SHLD2: variants seen among roughly 807,000 people sequenced by gnomAD.
SHLD2 encodes the protein shieldin complex subunit 2.
Under a neutral mutation model 73.2 loss-of-function variants are expected in SHLD2, and 30 were observed. The ratio of observed to expected loss-of-function variants is 0.41; its 90% CI spans 0.31 to 0.56. SHLD2 has a LOEUF of 0.56. Ranked by LOEUF, SHLD2 falls within the 20% of genes least tolerant of loss-of-function variation. The pLI, the probability that SHLD2 is intolerant of heterozygous loss-of-function variation, is 0.28. For missense variants in SHLD2, 745 were observed against 1,055.9 expected, an observed-to-expected ratio of 0.71 and a Z score of 4.08; for synonymous variants, 285 against 370.1, an observed-to-expected ratio of 0.77 and a Z score of 2.64.
chr10:87,180,187 C>G lies in SHLD2; in HGVS notation c.2283C>G (p.Pro761=). The G allele has an allele frequency of 6.2e-7, 1 of 1,613,360 alleles. No homozygotes were observed. Among genetic ancestry groups the G allele is most frequent in the Non-Finnish European group, 8.5e-7 (1 of 1,179,450 alleles). Reference sequence around the variant, plus strand: ...TGAAGAGTATTTTTTCTTCTCTTCCCAACATCGTATATACTGGTTGTGCAA... The same window carrying G: ...TGAAGAGTATTTTTTCTTCTCTTCCGAACATCGTATATACTGGTTGTGCAA... ...SSLKSIFSSL[P]NIVYTGCAKC... Residue 761 remains proline (P), a synonymous_variant, in exon 8 of 10, where the codon CCC becomes CCG. Coordinates refer to ENST00000298786, the MANE Select transcript of SHLD2 (RefSeq NM_001330112.2).
intron 3 of SHLD2, among the ~76,000 whole-genome samples, chr10:87,153,883 G>T (rs555167132): frequency 6.6e-6 from 1 of 152,126 alleles, no homozygotes; most frequent in East Asian, 1.9e-4. Flanking sequence ...TAACCATAAA[G>T]AACATTTTGT....
chr10:87,111,407 G>A (rs1446261690), intron 2 of SHLD2, among the ~76,000 whole-genome samples: 1 of 151,622 alleles, frequency 6.6e-6, no homozygotes, highest in African/African-American at 2.4e-5. Flanking sequence ...TTGGGAGGCC[G>A]AAGTAGACGG....
intron 4 of SHLD2, among the ~76,000 whole-genome samples, chr10:87,159,063 A>G (rs973871621): frequency 9.5e-4 from 145 of 152,286 alleles, no homozygotes; most frequent in Non-Finnish European, 1.6e-3. Flanking sequence ...TATTTGATAA[A>G]ATGCTGAAAT....
intron 8 of SHLD2, among the ~76,000 whole-genome samples, chr10:87,181,152 G>A (rs981763107): frequency 3.1e-4 from 47 of 151,592 alleles, no homozygotes; most frequent in African/African-American, 1.0e-3. Flanking sequence ...AGGCCGGGGT[G>A]GGGGGATCGC....
intron 9 of SHLD2, among the ~76,000 whole-genome samples, chr10:87,187,958 G>A (rs534096564): frequency 2.6e-5 from 4 of 152,110 alleles, no homozygotes; most frequent in Non-Finnish European, 5.9e-5. Flanking sequence ...AAATTATCTT[G>A]TGCTTATGGT....
intron 2 of SHLD2, among the ~76,000 whole-genome samples, chr10:87,130,645 T>C (rs1335840231): frequency 6.6e-6 from 1 of 152,234 alleles, no homozygotes; most frequent in African/African-American, 2.4e-5. Flanking sequence ...TACCAGTTCC[T>C]GAGCCTTTTG....
chr10:87,095,805 C>T (rs945113425), intron 1 of SHLD2, among the ~76,000 whole-genome samples: 1 of 152,218 alleles, frequency 6.6e-6, no homozygotes, highest in Non-Finnish European at 1.5e-5. Context: ...GTGGCTCACG[C>T]CTTTAGTCCT....
At chr10:87,136,843 C>T (rs1358698884) in intron 2 of SHLD2, among the ~76,000 whole-genome samples, 1 of 152,144 alleles carries the variant, frequency 6.6e-6, no homozygotes, top group Non-Finnish European at 1.5e-5. Context: ...TACCTAGGCT[C>T]AGATCCCAGA....
At chr10:87,155,109 G>A (rs1303974111) in intron 3 of SHLD2, among the ~76,000 whole-genome samples, 2 of 151,900 alleles carry the variant, frequency 1.3e-5, no homozygotes, top group African/African-American at 4.8e-5. Context: ...TAATTTTTTT[G>A]TATTTTTAGT....
chr10:87,147,578 AC>A (rs1315404776), intron 2 of SHLD2, among the ~76,000 whole-genome samples: 1 of 152,094 alleles, frequency 6.6e-6, no homozygotes, highest in African/African-American at 2.4e-5. Context: ...TGTCGTATAC[AC>A]CTTTTAAACA....
intron 4 of SHLD2, among the ~76,000 whole-genome samples, chr10:87,169,992 C>T (rs144467835): frequency 2.0e-5 from 3 of 152,244 alleles, no homozygotes; most frequent in Non-Finnish European, 2.9e-5. Flanking sequence ...ACGGAGGCCT[C>T]GCTGTGGAAA....
intron 6 of SHLD2, among the ~76,000 whole-genome samples, chr10:87,172,719 A>G (rs867582421): frequency 4.6e-5 from 7 of 151,952 alleles, no homozygotes; most frequent in African/African-American, 1.7e-4. Flanking sequence ...ATGTTATCAT[A>G]TAATAAATAT....
chr10:87,147,894 G>A (rs181836476), intron 2 of SHLD2, among the ~76,000 whole-genome samples: 1 of 150,200 alleles, frequency 6.7e-6, no homozygotes, highest in Non-Finnish European at 1.5e-5. Flanking sequence ...TTGAGACAGA[G>A]TCACCCAGAC....
intron 2 of SHLD2, among the ~76,000 whole-genome samples, chr10:87,149,040 A>G (rs1335969275): frequency 6.6e-6 from 1 of 151,502 alleles, no homozygotes; most frequent in South Asian, 2.1e-4. Context: ...GGCTTGTGCC[A>G]TCATGCCCTG....
chr10:87,142,761 CTTTTT>C (rs1184154361), intron 2 of SHLD2, among the ~76,000 whole-genome samples: 2 of 142,310 alleles, frequency 1.4e-5, no homozygotes, highest in African/African-American at 5.3e-5. Context: ...AAAGTTCTTT[CTTTTT>C]TTTTTTAATT....
At position 87,151,840 on chromosome 10, in the gene SHLD2, C is replaced by CT. The variant is rs1253237096; in HGVS notation, c.489dup (p.Asn164Ter). ...ATCAGCCAGATATATGTGGTAAGAA[C>CT]TTTAACACAAATTTGTTTCAGTTGG... On this transcript the variant is annotated frameshift_variant, in exon 3 of 10. Coordinates refer to ENST00000298786, the MANE Select transcript of SHLD2 (RefSeq NM_001330112.2). LOFTEE classifies it high-confidence loss of function. 1.2e-6 allele frequency: 2 copies of CT among 1,611,574 alleles called. No individual in the cohort carries two copies. The highest frequency in any genetic ancestry group is 2.7e-5 in the African/African-American group (2 of 74,818).
intron 2 of SHLD2, among the ~76,000 whole-genome samples, chr10:87,106,493 T>C (rs1234854070): frequency 1.3e-5 from 2 of 152,232 alleles, no homozygotes; most frequent in Admixed American, 6.5e-5. Flanking sequence ...CAGTAAACAG[T>C]CTTCAAATTC....
chr10:87,160,492 TTAAA>T (rs1846726716), intron 4 of SHLD2, among the ~76,000 whole-genome samples: 1 of 152,128 alleles, frequency 6.6e-6, no homozygotes, highest in Non-Finnish European at 1.5e-5. Flanking sequence ...ATTTTTTTTC[TTAAA>T]TAAATATAGC....
At chr10:87,147,135 T>G (rs1845684964) in intron 2 of SHLD2, among the ~76,000 whole-genome samples, 1 of 151,840 alleles carries the variant, frequency 6.6e-6, no homozygotes, top group Non-Finnish European at 1.5e-5. Context: ...CTCAGATATT[T>G]CTTGCCCTGA....
Sources: gnomAD v4.1 joint callset for allele counts (sites outside exome capture counted in the v4.1 genomes callset) on GRCh38, gnomAD v4.1.1 for gene constraint, MANE v1.5 for transcripts, NCBI Gene and HGNC (gene_info 2026-07-23, HGNC 2026-07-21) for gene names.